The following PSEN1 variants were observed in gnomAD, a reference collection of about 807,000 sequenced individuals.
PSEN1 encodes the protein presenilin 1.
PSEN1 carries 15 observed loss-of-function variants against 53.5 expected under a neutral mutation model. The observed-to-expected ratio is 0.28, with a 90% CI of 0.19 to 0.43. The LOEUF (loss-of-function observed/expected upper bound fraction) is 0.43, where lower values mean the gene tolerates loss of function less well. Among genes scored for constraint, PSEN1 ranks in the 20% least tolerant of loss-of-function variants. PSEN1 has a pLI of 1.00. For missense variants in PSEN1, 387 were observed against 571.2 expected (o/e 0.68, Z 3.29); for synonymous variants, 208 against 209.8 (o/e 0.99, Z 0.08).
At chr14:73,143,003 G>C (rs967067827) in intron 1 of PSEN1, among the ~76,000 whole-genome samples, 4 of 152,178 alleles carry the variant, frequency 2.6e-5, no homozygotes, top group Non-Finnish European at 5.9e-5. Context: ...AAGATCCTCA[G>C]ATCTGGGTAA....
intron 7 of PSEN1, among the ~76,000 whole-genome samples, chr14:73,193,340 G>A (rs573456804): frequency 6.6e-6 from 1 of 151,804 alleles, no homozygotes. Flanking sequence ...AGCTTTTTGA[G>A]GTTTTGACAA....
Position 73,153,171 on chromosome 14 carries a change from C to G in PSEN1, c.87+5065C>G, listed in dbSNP as rs577121712. Among the ~76,000 whole-genome samples, 3 of 152,288 alleles carry G rather than the reference C, an allele frequency of 2.0e-5. No homozygotes were observed. The South Asian group carries it at 6.2e-4, about 32-fold the overall frequency. On this transcript the variant is annotated intron_variant, in intron 3 of 11. Transcript: ENST00000324501. ...ATCTGCAGCTCTGGTTAGCCTTTGA[C>G]AGTGTTGTTGTATCATTATAGTTAT...
intron 3 of PSEN1, among the ~76,000 whole-genome samples, chr14:73,158,350 T>C (rs1334529718): frequency 6.7e-6 from 1 of 149,942 alleles, no homozygotes; most frequent in African/African-American, 2.5e-5. Context: ...AAGACGGAGT[T>C]TTGCTCCATC....
intron 4 of PSEN1, among the ~76,000 whole-genome samples, chr14:73,172,557 G>A (rs1897923526): frequency 1.3e-5 from 2 of 152,168 alleles, no homozygotes; most frequent in African/African-American, 4.8e-5. Flanking sequence ...AAGTGACCAC[G>A]CTCCTTGGTT....
chr14:73,199,193 A>G (rs1317542489), intron 8 of PSEN1, among the ~76,000 whole-genome samples: 1 of 152,226 alleles, frequency 6.6e-6, no homozygotes, highest in Non-Finnish European at 1.5e-5. Context: ...TTAGAAATGA[A>G]ATACTAGAGC....
At chr14:73,174,102 TTTATG>T (rs1303932584) in intron 5 of PSEN1, 26 of 247,618 alleles carry the variant, frequency 1.1e-4, no homozygotes, top group African/African-American at 5.6e-4. Context: ...TTAGTGATAA[TTTATG>T]TTATTTTGGA....
At chr14:73,175,775 G>C (rs977054300) in intron 5 of PSEN1, among the ~76,000 whole-genome samples, 4 of 152,092 alleles carry the variant, frequency 2.6e-5, no homozygotes, top group African/African-American at 7.2e-5. Context: ...AGCTTTTTCA[G>C]TTTTTCAAAT....
At chr14:73,148,973 A>G (rs752333150) in intron 3 of PSEN1, among the ~76,000 whole-genome samples, 2 of 152,168 alleles carry the variant, frequency 1.3e-5, no homozygotes, top group Non-Finnish European at 2.9e-5. Context: ...AGAAAAAGAA[A>G]GAAAAGAAAA....
intron 5 of PSEN1, among the ~76,000 whole-genome samples, chr14:73,186,629 T>C (rs1046956735): frequency 6.6e-6 from 1 of 151,974 alleles, no homozygotes; most frequent in African/African-American, 2.4e-5. Flanking sequence ...ATACAAAAAT[T>C]AGCCTAGCGT....
chr14:73,211,051 C>CCA (rs1566653131), intron 9 of PSEN1, among the ~76,000 whole-genome samples: 1 of 152,130 alleles, frequency 6.6e-6, no homozygotes, highest in African/African-American at 2.4e-5. Flanking sequence ...GTCACCAAAT[C>CCA]CAGGGATGAG....
At position 73,192,814 on chromosome 14, in the gene PSEN1, A is replaced by G; in HGVS notation, c.719A>G (p.Tyr240Cys). The G allele has an allele frequency of 6.2e-7, 1 of 1,613,812 alleles. No homozygotes were observed. The highest frequency in any genetic ancestry group is 1.1e-5 in the South Asian group (1 of 91,068). The change falls in exon 7 of 12, where the codon TAC becomes TGC. Residue 240 changes from tyrosine (Y) to cysteine (C), a missense_variant. Tyr to Cys is a radical substitution (Grantham distance 194). Around this residue, in one of 4 missense-constraint regions of PSEN1, gnomAD observed 169 missense variants for 299.7 expected, o/e 0.56. Coordinates refer to ENST00000324501, the MANE Select transcript of PSEN1 (RefSeq NM_000021.4). ...CTCATGGCCCTGGTGTTTATCAAGT[A>G]CCTCCCTGAATGGACTGCGTGGCTC... Reference protein sequence around the residue: ...SALMALVFIKYLPEWTAWLIL... With the variant: ...SALMALVFIKCLPEWTAWLIL...
intron 8 of PSEN1, among the ~76,000 whole-genome samples, chr14:73,204,670 T>G (rs553688923): frequency 1.4e-4 from 22 of 152,356 alleles, no homozygotes; most frequent in Admixed American, 1.3e-3. Flanking sequence ...CTTGTAGCTA[T>G]ATTTTTTCAT....
intron 10 of PSEN1, among the ~76,000 whole-genome samples, chr14:73,215,541 T>TA (rs202175306): frequency 0.041 from 5,908 of 144,560 alleles, 308 homozygotes; most frequent in African/African-American, 0.12. Context: ...CGAGATCACT[T>TA]AAAAAAAAAA....
At chr14:73,186,205 C>A (rs541832456) in intron 5 of PSEN1, among the ~76,000 whole-genome samples, 1 of 152,216 alleles carries the variant, frequency 6.6e-6, no homozygotes, top group South Asian at 2.1e-4. Context: ...CATGGAGAAA[C>A]TGTGTCTCTA....
chr14:73,157,127 CT>C (rs548020172), intron 3 of PSEN1, among the ~76,000 whole-genome samples: 10,870 of 142,048 alleles, frequency 0.077, 502 homozygotes, highest in South Asian at 0.19. Context: ...AGAAAGATAC[CT>C]TTTTTTTTTT....
At chr14:73,153,917 T>C (rs374005545) in intron 3 of PSEN1, among the ~76,000 whole-genome samples, 2 of 152,202 alleles carry the variant, frequency 1.3e-5, no homozygotes, top group East Asian at 1.9e-4. Context: ...TTTCACCATG[T>C]TGGTCAGGCT....
At chr14:73,218,963 GT>G (rs1255510631) in intron 11 of PSEN1, among the ~76,000 whole-genome samples, 170 bp from the exon 12 acceptor site, 1 of 152,066 alleles carries the variant, frequency 6.6e-6, no homozygotes, top group East Asian at 1.9e-4. Context: ...CAAAAGCTAG[GT>G]TTTTTTCATA....
chr14:73,218,345 A>G (rs1900007776), intron 11 of PSEN1, among the ~76,000 whole-genome samples: 2 of 151,584 alleles, frequency 1.3e-5, no homozygotes, highest in African/African-American at 2.4e-5. Context: ...CCTCAGCCGC[A>G]TAAAGTGCTG....
Position 73,200,278 on chromosome 14 carries a change from T to G in PSEN1, c.868+2149T>G, listed in dbSNP as rs112024830. The stretch of plus-strand genomic sequence containing the variant: ...TTCATATTTGTGAAATTAATCTTTT[T>G]TGTGTGTGTGTGAGACAGTCTCTCT... On this transcript the variant is annotated intron_variant, in intron 8 of 11. Transcript: ENST00000324501. 2.2e-3 allele frequency among the ~76,000 whole-genome samples: 332 copies of G among 152,240 alleles called. 3 individuals carry two copies. The highest frequency in any genetic ancestry group is 0.018 in the East Asian group (91 of 5,180).
Sources: gnomAD v4.1 joint callset for allele counts (sites outside exome capture counted in the v4.1 genomes callset) on GRCh38, gnomAD v4.1.1 for gene constraint, gnomAD v4.1.1 regional missense constraint, MANE v1.5 for transcripts, NCBI Gene and HGNC (gene_info 2026-07-23, HGNC 2026-07-21) for gene names.